Variants in ZNF595 observed in about 807,000 individuals in gnomAD.
ZNF595 encodes zinc finger protein 595.
A neutral mutation model predicts 19.4 loss-of-function variants in ZNF595; 9 were observed. That is an observed-to-expected ratio of 0.46 (90% CI 0.28 to 0.81). The LOEUF (loss-of-function observed/expected upper bound fraction) is 0.81, where lower values mean the gene tolerates loss of function less well. Ranked by LOEUF, ZNF595 falls within the 30% of genes least tolerant of loss-of-function variation. The probability of loss-of-function intolerance (pLI) is 0.11; values close to 1 mark genes in which losing one functional copy is unlikely to be tolerated. For missense variants in ZNF595, 729 were observed against 736.0 expected (o/e 0.99, Z 0.11); for synonymous variants, 255 against 255.9 (o/e 1.00, Z 0.03).
chr4:69,177 C>G (rs1291881243), intron 3 of ZNF595, among the ~76,000 whole-genome samples: 1 of 152,206 alleles, frequency 6.6e-6, no homozygotes, highest in Non-Finnish European at 1.5e-5. Context: ...TAGATTGCTT[C>G]TAAATCTTGG....
intron 3 of ZNF595, among the ~76,000 whole-genome samples, chr4:64,813 G>A (rs1164625270): frequency 6.6e-6 from 1 of 152,416 alleles, no homozygotes; most frequent in Admixed American, 6.5e-5. Flanking sequence ...ATGGCAGGCA[G>A]TAGGGTAGGG....
chr4:86,537 T>C lies in ZNF595; in HGVS notation c.1033T>C (p.Cys345Arg). The change falls in exon 4 of 4, where the codon TGT (cysteine) becomes CGT (arginine). Residue 345 changes from cysteine (C) to arginine (R), a missense_variant. Transcript: ENST00000610261. ...TGEKPYTCEK[C>R]GKAFNQSSSL... is the part of the protein sequence containing the mutation. ...CGAAAAACCCTACACATGTGAAAAA[T>C]GTGGCAAAGCTTTTAACCAATCCTC... 5 of 1,613,780 alleles carry C rather than the reference T, an allele frequency of 3.1e-6. No homozygotes were observed. The highest frequency in any genetic ancestry group is 2.2e-5 in the East Asian group (1 of 44,846).
intron 3 of ZNF595, among the ~76,000 whole-genome samples, chr4:77,856 C>G (rs1713738070): frequency 6.6e-6 from 1 of 152,014 alleles, no homozygotes; most frequent in Non-Finnish European, 1.5e-5. Flanking sequence ...GTGGCTCTTG[C>G]TGGATGTTTC....
At chr4:74,284 G>A (rs1442547767) in intron 3 of ZNF595, among the ~76,000 whole-genome samples, 1 of 152,148 alleles carries the variant, frequency 6.6e-6, no homozygotes, top group African/African-American at 2.4e-5. Flanking sequence ...TTCCATGTGT[G>A]TTTGAGAAGA....
In ZNF595 at chr4:87,323, C is replaced by T; in HGVS notation, c.1819C>T (p.Leu607Phe). The change falls in exon 4 of 4, where the codon CTT (leucine) becomes TTT (phenylalanine). Residue 607 changes from leucine (L) to phenylalanine (F), a missense_variant. By Grantham distance (22) the Leu-to-Phe change is conservative (BLOSUM62 0). Transcript: ENST00000610261. ...CAAAGCCTTCAATTGGTCCTCATCCCTTACTAAACATAAGATAATTCATAC... is the reference window on the plus strand; with the variant it reads ...CAAAGCCTTCAATTGGTCCTCATCCTTTACTAAACATAAGATAATTCATAC... The part of the protein sequence containing the change: ...CGKAFNWSSS[L>F]TKHKIIHTGE... The T allele has an allele frequency of 6.2e-7, 1 of 1,613,472 alleles. No homozygotes were observed. Among genetic ancestry groups the T allele is most frequent in the Non-Finnish European group, 8.5e-7 (1 of 1,179,792 alleles).
In ZNF595 at chr4:70,447, C is replaced by T. The variant is rs1713380526; in HGVS notation, c.226+10294C>T. ...CTGCCTCCCAGGTTCAAGCAATTCT[C>T]CCACCTCAGCCTCTGGAGTAGGTGG... On this transcript the variant is annotated intron_variant, in intron 3 of 3. Transcript: ENST00000610261. 2.6e-5 allele frequency among the ~76,000 whole-genome samples: 4 copies of T among 151,986 alleles called. No homozygotes were observed. The South Asian group carries it at 8.3e-4, about 32-fold the overall frequency.
At chr4:81,710 C>T (rs1278967812) in intron 3 of ZNF595, among the ~76,000 whole-genome samples, 1 of 152,046 alleles carries the variant, frequency 6.6e-6, no homozygotes, top group Non-Finnish European at 1.5e-5. Flanking sequence ...GTTTTCTGGC[C>T]CTTTACAAAA....
At position 87,143 on chromosome 4, in the gene ZNF595, C is replaced by T. The variant is rs372290262; in HGVS notation, c.1639C>T (p.Arg547Trp). 52 of 1,613,540 alleles carry T rather than the reference C, an allele frequency of 3.2e-5. No homozygotes were observed. Among genetic ancestry groups the T allele is most frequent in the East Asian group, 6.7e-5 (3 of 44,860 alleles). ...TGAAGAATGTGGCAAAGCCTTTACT[C>T]GGTCCACAGCCCTGAATGAACATAA... ...KCEECGKAFT[R>W]STALNEHKKI... Residue 547 changes from arginine (R) to tryptophan (W), a missense_variant, in exon 4 of 4, where the codon CGG (arginine) becomes TGG (tryptophan). Coordinates refer to ENST00000610261, the MANE Select transcript of ZNF595 (RefSeq NM_182524.4).
intron 3 of ZNF595, among the ~76,000 whole-genome samples, 187 bp from the exon 4 acceptor site, chr4:85,544 C>G (rs553076899): frequency 1.6e-4 from 25 of 152,172 alleles, no homozygotes; most frequent in Non-Finnish European, 3.1e-4. Context: ...AACTCATTTA[C>G]AGATTTTGCA....
intron 1 of ZNF595, among the ~76,000 whole-genome samples, chr4:57,908 A>T (rs1180417158): frequency 6.6e-6 from 1 of 152,302 alleles, no homozygotes; most frequent in Non-Finnish European, 1.5e-5. Context: ...GGAAGTGGCA[A>T]AATAGATAAA....
At chr4:64,697 G>A (rs1272994684) in intron 3 of ZNF595, among the ~76,000 whole-genome samples, 19 of 151,816 alleles carry the variant, frequency 1.3e-4, no homozygotes, top group Non-Finnish European at 4.4e-5. Flanking sequence ...CTGTGTTTGA[G>A]TGATATGGGG....
chr4:83,481 G>A lies in ZNF595; in HGVS notation c.227-2250G>A, dbSNP rs377695709. On this transcript the variant is annotated intron_variant, in intron 3 of 3. Transcript: ENST00000610261. ...AATACAAAAACAAAATTAGCCGGGCGTGGTGGCGGGTACCTGTAGTCCCAG... is the reference window on the plus strand; with the variant it reads ...AATACAAAAACAAAATTAGCCGGGCATGGTGGCGGGTACCTGTAGTCCCAG... Among the ~76,000 whole-genome samples, 48 of 151,806 alleles carry A rather than the reference G, an allele frequency of 3.2e-4. No individual in the cohort carries two copies. In the East Asian group the frequency reaches 6.4e-3, roughly 20 times the overall value.
intron 1 of ZNF595, among the ~76,000 whole-genome samples, chr4:55,237 C>A (rs1712582348): frequency 6.6e-6 from 1 of 151,212 alleles, no homozygotes; most frequent in African/African-American, 2.4e-5. Flanking sequence ...TTTCCTTCCC[C>A]ACAAATTCTC....
intron 3 of ZNF595, among the ~76,000 whole-genome samples, chr4:75,576 A>G (rs1553798583): frequency 6.6e-6 from 1 of 152,202 alleles, no homozygotes; most frequent in Non-Finnish European, 1.5e-5. Flanking sequence ...AACCATAGCA[A>G]TGTGTTTTCA....
chr4:64,821 G>T (rs1231750227), intron 3 of ZNF595, among the ~76,000 whole-genome samples: 3 of 152,312 alleles, frequency 2.0e-5, no homozygotes, highest in Admixed American at 6.5e-5. Context: ...CAGTAGGGTA[G>T]GGTTTTACAG....
At position 87,599 on chromosome 4, in the gene ZNF595, T is replaced by A; in HGVS notation, c.*148T>A. On this transcript the variant is annotated 3_prime_UTR_variant, in exon 4 of 4. Coordinates refer to ENST00000610261, the MANE Select transcript of ZNF595 (RefSeq NM_182524.4). The stretch of plus-strand genomic sequence containing the variant: ...CATAGTATGTGTATCTATTCATGGC[T>A]TATTTGGATTATTTTGATACAGGCA... 3.3e-6 allele frequency: 2 copies of A among 613,364 alleles called. No individual in the cohort carries two copies. The highest frequency in any genetic ancestry group is 5.1e-6 in the Non-Finnish European group (2 of 389,872). The allele number at this position is 613,364 out of a possible 1,614,324, so 38.0% of individuals were successfully genotyped here. A position where few individuals can be genotyped will look rare whatever the true frequency, so the allele number is the denominator to read the frequency against.
rs782295852 is a variant in ZNF595 at position 87,423 on chromosome 4, G to A, written c.1919G>A (p.Arg640Gln). ...NRPSTLTVHK[R>Q]IHTGKEHS ...CCCTCAACCCTTACTGTACACAAGCGAATTCATACTGGCAAGGAACATAGT... is the reference window on the plus strand; with the variant it reads ...CCCTCAACCCTTACTGTACACAAGCAAATTCATACTGGCAAGGAACATAGT... The change falls in exon 4 of 4, where the codon CGA becomes CAA. Residue 640 changes from arginine to glutamine, a missense_variant. By Grantham distance (43) the Arg-to-Gln change is conservative (BLOSUM62 1). Around this residue, in one of 2 missense-constraint regions of ZNF595, gnomAD observed 729 missense variants for 675.3 expected, o/e 1.08. Transcript: ENST00000610261. 3.2e-4 allele frequency: 507 copies of A among 1,600,984 alleles called. 2 individuals carry two copies. In the African/African-American group the frequency reaches 5.6e-3, roughly 18 times the overall value.
In ZNF595 at chr4:86,603, C is replaced by T; in HGVS notation, c.1099C>T (p.Leu367Phe). The change falls in exon 4 of 4, where the codon CTT becomes TTT. Residue 367 changes from leucine (L) to phenylalanine (F), a missense_variant. Leu to Phe is a conservative substitution (Grantham distance 22). Coordinates refer to ENST00000610261, the MANE Select transcript of ZNF595 (RefSeq NM_182524.4). ...IHRSIHSEQK[L>F]YKCEECGKAF... ...CAGGAGCATTCATTCTGAACAAAAA[C>T]TTTACAAATGTGAAGAATGTGGCAA... The T allele has an allele frequency of 1.2e-6, 2 of 1,613,426 alleles. No individual in the cohort carries two copies. Among genetic ancestry groups the T allele is most frequent in the Non-Finnish European group, 1.7e-6 (2 of 1,179,746 alleles).
At chr4:57,390 C>T (rs1581314289) in intron 1 of ZNF595, among the ~76,000 whole-genome samples, 1 of 152,306 alleles carries the variant, frequency 6.6e-6, no homozygotes, top group Non-Finnish European at 1.5e-5. Flanking sequence ...CCAGGATCTG[C>T]AGCTCCATCA....
Sources: allele counts gnomAD v4.1 joint callset (sites outside exome capture counted in the v4.1 genomes callset), GRCh38; gene constraint gnomAD v4.1.1; regional missense constraint gnomAD v4.1.1; transcripts MANE v1.5; gene names NCBI Gene and HGNC (gene_info 2026-07-23, HGNC 2026-07-21).